The following ERBB4 variants were observed in gnomAD, a reference collection of about 807,000 sequenced individuals.
ERBB4 encodes erb-b2 receptor tyrosine kinase 4.
Under a neutral mutation model 158.0 loss-of-function variants are expected in ERBB4, and 42 were observed. The ratio of observed to expected loss-of-function variants is 0.27; its 90% confidence interval spans 0.21 to 0.34. The LOEUF is 0.34. ERBB4 is among the 10% of genes least tolerant of loss of function. The pLI, the probability that ERBB4 is intolerant of heterozygous loss-of-function variation, is 1.00. For missense variants in ERBB4, 1,333 were observed against 1,624.1 expected (o/e 0.82, Z 3.08); for synonymous variants, 583 against 558.7 (o/e 1.04, Z -0.61).
intron 3 of ERBB4, among the ~76,000 whole-genome samples, chr2:211,825,328 T>C (rs973128670): frequency 5.9e-5 from 9 of 151,920 alleles, no homozygotes; most frequent in Non-Finnish European, 1.2e-4. Context: ...TACATACTTA[T>C]AGGCCCTTAT....
At chr2:212,122,313 A>G (rs138314127) in intron 2 of ERBB4, among the ~76,000 whole-genome samples, 1 of 152,158 alleles carries the variant, frequency 6.6e-6, no homozygotes, top group African/African-American at 2.4e-5. Flanking sequence ...AGAAAGGTGT[A>G]ATACATAAGT....
chr2:212,245,539 A>T (rs1023982376), intron 1 of ERBB4, among the ~76,000 whole-genome samples: 2 of 152,202 alleles, frequency 1.3e-5, no homozygotes, highest in Non-Finnish European at 2.9e-5. Context: ...TTGTCAGTGA[A>T]ATCTTCTTGC....
intron 19 of ERBB4, among the ~76,000 whole-genome samples, chr2:211,606,276 G>C (rs1320500638): frequency 6.6e-6 from 1 of 152,026 alleles, no homozygotes; most frequent in Non-Finnish European, 1.5e-5. Context: ...ATTCTCATTT[G>C]TAAACGGGAA....
rs149095175 is a variant in ERBB4 at position 212,081,054 on chromosome 2, A to T, written c.234+43698T>A. Among the ~76,000 whole-genome samples the T allele has an allele frequency of 3.6e-3, 542 of 152,292 alleles. 4 individuals carry two copies. The highest frequency in any genetic ancestry group is 0.013 in the African/African-American group (520 of 41,562). Reference sequence around the variant, plus strand: ...CTATGCTCACTTTATTTTTTCTGTCAATAGCACAGAAGCCCTCACACAAAG... The same window carrying T: ...CTATGCTCACTTTATTTTTTCTGTCTATAGCACAGAAGCCCTCACACAAAG... On this transcript the variant is annotated intron_variant, in intron 2 of 27. Coordinates refer to ENST00000342788, the MANE Select transcript of ERBB4 (RefSeq NM_005235.3).
chr2:212,092,260 A>G (rs59320994), intron 2 of ERBB4, among the ~76,000 whole-genome samples: 2,130 of 152,310 alleles, frequency 0.014, 46 homozygotes, highest in African/African-American at 0.048. Flanking sequence ...AGGATAGACT[A>G]TTCACATAAA....
At chr2:212,076,871 G>T (rs1187616689) in intron 2 of ERBB4, among the ~76,000 whole-genome samples, 3 of 151,770 alleles carry the variant, frequency 2.0e-5, no homozygotes, top group Non-Finnish European at 4.4e-5. Flanking sequence ...CACCGAAAGG[G>T]TACATATATT....
chr2:212,056,747 T>C (rs978976587), intron 2 of ERBB4, among the ~76,000 whole-genome samples: 15 of 152,128 alleles, frequency 9.9e-5, no homozygotes, highest in Admixed American at 7.9e-4. Context: ...TTGTCACCAC[T>C]AGGCCTGCCC....
At chr2:212,170,167 C>T (rs1017312787) in intron 1 of ERBB4, among the ~76,000 whole-genome samples, 11 of 152,110 alleles carry the variant, frequency 7.2e-5, no homozygotes, top group Non-Finnish European at 1.3e-4. Context: ...GGCCAAAATG[C>T]TGACAATGAT....
At chr2:211,513,585 T>C (rs1316910359) in intron 20 of ERBB4, among the ~76,000 whole-genome samples, 1 of 152,114 alleles carries the variant, frequency 6.6e-6, no homozygotes, top group Non-Finnish European at 1.5e-5. Context: ...CAAGGTGTAA[T>C]AGCATTAAGC....
At position 212,167,595 on chromosome 2, in the gene ERBB4, T is replaced by C. The variant is rs376882295; in HGVS notation, c.83-42692A>G. Among the ~76,000 whole-genome samples the C allele has an allele frequency of 4.3e-4, 65 of 152,292 alleles. No homozygotes were observed. In the East Asian group the frequency reaches 5.6e-3, roughly 13 times the overall value. On this transcript the variant is annotated intron_variant, in intron 1 of 27. Coordinates refer to ENST00000342788, the MANE Select transcript of ERBB4 (RefSeq NM_005235.3). Reference sequence around the variant, plus strand: ...CCCAGCAATCCCATTACTGAGTATATACCCAAAGGATTATAAATCATTCTA... The same window carrying C: ...CCCAGCAATCCCATTACTGAGTATACACCCAAAGGATTATAAATCATTCTA...
chr2:211,513,377 C>A (rs140129773), intron 20 of ERBB4, among the ~76,000 whole-genome samples: 13,195 of 54,814 alleles, frequency 0.24, 1,457 homozygotes, highest in South Asian at 0.3. Context: ...AAAAAAAAAA[C>A]AAAAAAAAAA....
At chr2:211,574,047 A>G (rs2067820079) in intron 19 of ERBB4, among the ~76,000 whole-genome samples, 2 of 152,228 alleles carry the variant, frequency 1.3e-5, no homozygotes, top group Admixed American at 1.3e-4. Context: ...TGCCTAGTAG[A>G]TACTTAAAAT....
chr2:212,298,901 C>A (rs1253642535), intron 1 of ERBB4, among the ~76,000 whole-genome samples: 2 of 151,652 alleles, frequency 1.3e-5, no homozygotes, highest in African/African-American at 4.8e-5. Context: ...AGTTACATGT[C>A]ATTTTCTTCA....
intron 15 of ERBB4, among the ~76,000 whole-genome samples, chr2:211,660,268 G>A (rs2105905972): frequency 6.6e-6 from 1 of 152,306 alleles, no homozygotes; most frequent in East Asian, 1.9e-4. Flanking sequence ...CTAGTCAGCT[G>A]GCAGCCAGGC....
chr2:211,836,175 T>C (rs1312962967), intron 3 of ERBB4, among the ~76,000 whole-genome samples: 2 of 152,084 alleles, frequency 1.3e-5, no homozygotes, highest in Non-Finnish European at 2.9e-5. Context: ...TGGAAAAATA[T>C]TTTGTAAATG....
At chr2:212,268,975 C>T (rs563911185) in intron 1 of ERBB4, among the ~76,000 whole-genome samples, 1 of 151,878 alleles carries the variant, frequency 6.6e-6, no homozygotes, top group African/African-American at 2.4e-5. Flanking sequence ...AAACCATTAG[C>T]ACTTTCACTC....
intron 1 of ERBB4, among the ~76,000 whole-genome samples, chr2:212,528,620 T>C (rs1169440938): frequency 1.3e-5 from 2 of 152,198 alleles, no homozygotes; most frequent in African/African-American, 4.8e-5. Flanking sequence ...CATTAACTCT[T>C]TTAGGCAAAT....
intron 20 of ERBB4, among the ~76,000 whole-genome samples, chr2:211,489,417 T>C (rs2065283390): frequency 6.6e-6 from 1 of 151,868 alleles, no homozygotes; most frequent in Non-Finnish European, 1.5e-5. Context: ...ATAACAATAA[T>C]ACCAATCTCA....
At chr2:212,408,384 C>T (rs1490713351) in intron 1 of ERBB4, among the ~76,000 whole-genome samples, 1 of 152,060 alleles carries the variant, frequency 6.6e-6, no homozygotes, top group Non-Finnish European at 1.5e-5. Flanking sequence ...AGGATAATGG[C>T]TATTATTTTA....
Sources: gnomAD v4.1 joint callset for allele counts (sites outside exome capture counted in the v4.1 genomes callset) on GRCh38, gnomAD v4.1.1 for gene constraint, MANE v1.5 for transcripts, NCBI Gene and HGNC (gene_info 2026-07-23, HGNC 2026-07-21) for gene names.